ANK3: variants seen among roughly 807,000 people sequenced by gnomAD.
ANK3 encodes ankyrin-3.
ANK3 carries 57 observed loss-of-function variants against 370.9 expected under a neutral mutation model. The ratio of observed to expected loss-of-function variants is 0.15; its 90% confidence interval spans 0.12 to 0.19. The LOEUF is 0.19. ANK3 is among the 10% of genes least tolerant of loss of function. The pLI is 1.00. For missense variants in ANK3, 4,439 were observed against 5,302.1 expected, an observed-to-expected ratio of 0.84 and a Z score of 5.06; for synonymous variants, 1,929 against 1,946.3, an observed-to-expected ratio of 0.99 and a Z score of 0.23.
At chr10:60,331,694 C>T (rs2051368184) in intron 1 of ANK3, among the ~76,000 whole-genome samples, 1 of 152,062 alleles carries the variant, frequency 6.6e-6, no homozygotes, top group Admixed American at 6.6e-5. Context: ...CCAAACAGGT[C>T]AGTCTTTTTG....
chr10:60,043,017 T>C (rs1237233272), intron 42 of ANK3: 1 of 1,249,204 alleles, frequency 8.0e-7, no homozygotes, highest in Non-Finnish European at 1.0e-6. Flanking sequence ...TAAATCAAAA[T>C]AACGAGCAGC....
intron 2 of ANK3, among the ~76,000 whole-genome samples, chr10:60,415,916 G>GCTC (rs1567021998): frequency 2.5e-5 from 2 of 81,188 alleles, no homozygotes; most frequent in African/African-American, 4.7e-5. Flanking sequence ...CTGAATTTGT[G>GCTC]CCCCCCACCC....
At chr10:60,456,275 G>A (rs900328552) in intron 2 of ANK3, among the ~76,000 whole-genome samples, 6 of 152,260 alleles carry the variant, frequency 3.9e-5, no homozygotes, top group South Asian at 2.1e-4. Flanking sequence ...GAAACATAGC[G>A]CATCTTCCCT....
At chr10:60,530,926 C>T (rs1375398358) in intron 2 of ANK3, among the ~76,000 whole-genome samples, 1 of 152,066 alleles carries the variant, frequency 6.6e-6, no homozygotes, top group South Asian at 2.1e-4. Flanking sequence ...ATAAATATTA[C>T]TCTCCACCCT....
chr10:60,714,479 T>C (rs1202007920), intron 1 of ANK3, among the ~76,000 whole-genome samples: 1 of 152,158 alleles, frequency 6.6e-6, no homozygotes, highest in East Asian at 1.9e-4. Flanking sequence ...TAAACACAGA[T>C]GTAAGAGTCC....
intron 42 of ANK3, chr10:60,051,494 C>A: frequency 1.0e-6 from 1 of 985,452 alleles, no homozygotes; most frequent in African/African-American, 1.7e-5. Flanking sequence ...CAAACGCCGG[C>A]GAATAACTCG....
chr10:60,072,787 G>A lies in ANK3; in HGVS notation c.8094C>T (p.Ser2698=), dbSNP rs772493267. 1.9e-6 allele frequency: 3 copies of A among 1,614,130 alleles called. No homozygotes were observed. The highest frequency in any genetic ancestry group is 1.1e-5 in the South Asian group (1 of 91,086). The change falls in exon 37 of 44, where the codon AGC becomes AGT. Residue 2698 remains serine (S), a synonymous_variant. Coordinates refer to ENST00000280772, the MANE Select transcript of ANK3 (RefSeq NM_020987.5). The part of the protein sequence containing the change: ...TVEAKGSISQ[S]KAPDGPQSGF... ...CAGACTGGGGCCCATCTGGTGCTTT[G>A]CTCTGTGAAATACTTCCTTTGGCTT...
At chr10:60,364,696 A>C (rs1402253632) in intron 1 of ANK3, among the ~76,000 whole-genome samples, 2 of 152,152 alleles carry the variant, frequency 1.3e-5, no homozygotes, top group East Asian at 3.9e-4. Context: ...TATAATTAAA[A>C]AATGGACGTA....
At chr10:60,231,355 C>G (rs780852448) in intron 8 of ANK3, among the ~76,000 whole-genome samples, 2 of 152,172 alleles carry the variant, frequency 1.3e-5, no homozygotes, top group Admixed American at 6.5e-5. Flanking sequence ...GGAACAAGGT[C>G]CCTTACAGTG....
At chr10:60,151,483 C>T (rs879269030) in intron 23 of ANK3, among the ~76,000 whole-genome samples, 6 of 152,168 alleles carry the variant, frequency 3.9e-5, no homozygotes, top group Non-Finnish European at 8.8e-5. Flanking sequence ...CTCTTGCTTC[C>T]TCTCTTGCCA....
At chr10:60,628,703 T>A (rs535956239) in intron 1 of ANK3, among the ~76,000 whole-genome samples, 4 of 152,232 alleles carry the variant, frequency 2.6e-5, no homozygotes, top group Non-Finnish European at 5.9e-5. Context: ...ATAAACCAGA[T>A]CACAACATTA....
intron 42 of ANK3, chr10:60,044,884 C>G (rs960724390): frequency 1.8e-4 from 28 of 152,144 alleles, no homozygotes; most frequent in African/African-American, 6.5e-4. Context: ...GTTGAGGGTA[C>G]AGAGAGAATC....
At chr10:60,380,983 G>A (rs1280584330) in intron 1 of ANK3, among the ~76,000 whole-genome samples, 1 of 152,114 alleles carries the variant, frequency 6.6e-6, no homozygotes. Flanking sequence ...GCCACCTTAG[G>A]TTCAGAAACC....
In ANK3 at chr10:60,303,870, G is replaced by GTA. The variant is rs1285706473; in HGVS notation, c.115-24233_115-24232dup. Among the ~76,000 whole-genome samples, 292 of 137,642 alleles carry GTA rather than the reference G, an allele frequency of 2.1e-3. 1 individual carries two copies. The highest frequency in any genetic ancestry group is 7.4e-3 in the African/African-American group (274 of 36,938). 90.3% of individuals were successfully genotyped at this position (137,642 alleles called of 152,430 possible). ...TGTTGACTAATGAATAAAATGTGGTGTATATATGTGTGTGTGTGTGTGTGT... is the reference window on the plus strand; with the variant it reads ...TGTTGACTAATGAATAAAATGTGGTGTATATATATGTGTGTGTGTGTGTGTGT... On this transcript the variant is annotated intron_variant, in intron 1 of 43. Transcript: ENST00000280772.
intron 2 of ANK3, among the ~76,000 whole-genome samples, chr10:60,573,381 A>G (rs1201739961): frequency 6.6e-6 from 1 of 152,094 alleles, no homozygotes; most frequent in African/African-American, 2.4e-5. Flanking sequence ...CCAACCAACC[A>G]ACTAACAAGA....
chr10:60,307,937 A>G (rs2045510856), intron 1 of ANK3, among the ~76,000 whole-genome samples: 2 of 152,324 alleles, frequency 1.3e-5, no homozygotes, highest in South Asian at 4.1e-4. Flanking sequence ...AAAAAAGAAA[A>G]TGTGACAACA....
At chr10:60,525,170 A>G (rs534749889) in intron 2 of ANK3, among the ~76,000 whole-genome samples, 20 of 152,242 alleles carry the variant, frequency 1.3e-4, no homozygotes, top group African/African-American at 4.8e-4. Context: ...ATATGTAAAC[A>G]GAAGCGTCTC....
chr10:60,604,428 C>T (rs1322611220), intron 2 of ANK3, among the ~76,000 whole-genome samples: 1 of 152,094 alleles, frequency 6.6e-6, no homozygotes, highest in Non-Finnish European at 1.5e-5. Context: ...ATAAAAACTT[C>T]CCAAAAGATG....
chr10:60,537,485 G>C (rs1309785060), intron 2 of ANK3, among the ~76,000 whole-genome samples: 1 of 151,800 alleles, frequency 6.6e-6, no homozygotes, highest in Non-Finnish European at 1.5e-5. Context: ...GAGGGATTAA[G>C]TGGTGGGATT....
Sources: gnomAD v4.1 joint callset for allele counts (sites outside exome capture counted in the v4.1 genomes callset) on GRCh38, gnomAD v4.1.1 for gene constraint, MANE v1.5 for transcripts, NCBI Gene and HGNC (gene_info 2026-07-23, HGNC 2026-07-21) for gene names.